Variants in LMF1 observed in about 807,000 individuals in gnomAD.
The protein encoded by LMF1 is lipase maturation factor 1.
LMF1 carries 68 observed loss-of-function variants against 60.6 expected under a neutral mutation model. The ratio of observed to expected loss-of-function variants is 1.12; its 90% CI spans 0.92 to 1.37. LMF1 has a LOEUF of 1.37. LMF1 is among the 40% of genes most tolerant of loss of function. The pLI is 0.00. For synonymous variants in LMF1, 418 were observed against 324.7 expected (o/e 1.29, Z -3.09); for missense variants, 948 against 767.2 (o/e 1.24, Z -2.78).
rs371796784 is a variant in LMF1 at position 970,900 on chromosome 16, A to G, written c.81T>C (p.Pro27=). ...RRKTGYSDPE[P]ESPPAPGRGP... is the part of the protein sequence containing the mutation. Reference sequence around the variant, plus strand: ...CACGCCCCGGCGCGGGCGGCGACTCAGGCTCCGGATCCGAGTACCCAGTCT... The same window carrying G: ...CACGCCCCGGCGCGGGCGGCGACTCGGGCTCCGGATCCGAGTACCCAGTCT... Residue 27 remains proline (P), a synonymous_variant, in exon 1 of 11, where the codon CCT becomes CCC. Transcript: ENST00000262301. The G allele has an allele frequency of 2.4e-4, 376 of 1,580,082 alleles. 1 individual carries two copies. The African/African-American group carries it at 4.6e-3, about 19-fold the overall frequency.
intron 10 of LMF1, among the ~76,000 whole-genome samples, chr16:866,102 G>T (rs2069601960): frequency 6.6e-6 from 1 of 152,108 alleles, no homozygotes; most frequent in Admixed American, 6.5e-5. Context: ...CCTCATCTTG[G>T]TGCTATCATC....
Position 874,290 on chromosome 16 carries a change from G to A in LMF1, c.898-2949C>T, listed in dbSNP as rs904757480. ...TGTGTGCGGGGCTGGCAGGGCCTCC[G>A]GGCCTCTGTCTTGAGCGGGCGTGGG... On this transcript the variant is annotated intron_variant, in intron 6 of 10. Coordinates refer to ENST00000262301, the MANE Select transcript of LMF1 (RefSeq NM_022773.4). This position sits in a 1 kb window ranked among gnomAD's most constrained non-coding sequence, Gnocchi z 4.1. 3.9e-5 allele frequency among the ~76,000 whole-genome samples: 6 copies of A among 152,126 alleles called. No homozygotes were observed. The highest frequency in any genetic ancestry group is 1.4e-4 in the African/African-American group (6 of 41,432).
At chr16:954,841 G>A (rs192177494) in intron 1 of LMF1, among the ~76,000 whole-genome samples, 175 bp from the exon 2 acceptor site, 1 of 152,238 alleles carries the variant, frequency 6.6e-6, no homozygotes, top group Admixed American at 6.5e-5. Context: ...GATTTTGGGG[G>A]AAACACTGGA....
chr16:862,800 G>A (rs1282000976), intron 10 of LMF1, among the ~76,000 whole-genome samples: 1 of 152,312 alleles, frequency 6.6e-6, no homozygotes, highest in South Asian at 2.1e-4. Flanking sequence ...CGAGGCTACA[G>A]TGAGCCATGT....
intron 3 of LMF1, among the ~76,000 whole-genome samples, chr16:911,551 G>A (rs2071114783): frequency 2.3e-5 from 2 of 86,250 alleles, no homozygotes; most frequent in Middle Eastern, 6.8e-3. Context: ...CAGCACTGGG[G>A]GGGCAGCACT....
intron 10 of LMF1, chr16:855,119 G>A (rs2069150948): frequency 3.3e-6 from 1 of 298,954 alleles, no homozygotes; most frequent in Non-Finnish European, 6.5e-6. Context: ...CTCATGGTGT[G>A]GCGTCTCCAC....
Position 879,756 on chromosome 16 carries a change from C to T in LMF1, c.730-19G>A, listed in dbSNP as rs1023395890. On this transcript the variant is annotated intron_variant, in intron 5 of 10. Transcript: ENST00000262301. ...GCTGGGTCTGCAGGGACAGGAGGGG[C>T]CGTGAGGTGCCTGGCCGATCTCGGG... is the stretch of plus-strand genomic sequence containing the variant. The T allele has an allele frequency of 6.4e-7, 1 of 1,561,354 alleles. No individual in the cohort carries two copies. The highest frequency in any genetic ancestry group is 8.7e-7 in the Non-Finnish European group (1 of 1,152,038).
At chr16:941,392 G>A (rs1418189212) in intron 2 of LMF1, among the ~76,000 whole-genome samples, 1 of 152,050 alleles carries the variant, frequency 6.6e-6, no homozygotes, top group Non-Finnish European at 1.5e-5. Flanking sequence ...GGTAATTTTT[G>A]TATTTTTAGT....
At chr16:926,625 AAAG>A (rs1240139624) in intron 3 of LMF1, among the ~76,000 whole-genome samples, 3 of 152,236 alleles carry the variant, frequency 2.0e-5, no homozygotes, top group Admixed American at 1.3e-4. Context: ...AAGCGCCACC[AAAG>A]AAGACTACCC....
rs907320522 is a variant in LMF1 at position 939,675 on chromosome 16, T to A, written c.504-5421A>T. 5.3e-5 allele frequency among the ~76,000 whole-genome samples: 8 copies of A among 152,374 alleles called. No individual in the cohort carries two copies. In the South Asian group the frequency reaches 8.3e-4, roughly 16 times the overall value. On this transcript the variant is annotated intron_variant, in intron 2 of 10. Coordinates refer to ENST00000262301, the MANE Select transcript of LMF1 (RefSeq NM_022773.4). Reference sequence around the variant, plus strand: ...AGGAGCAGTACATGCTGACCAAAGCTGCTGTAAGACAACGTCGGCGAGATG... The same window carrying A: ...AGGAGCAGTACATGCTGACCAAAGCAGCTGTAAGACAACGTCGGCGAGATG...
At chr16:928,190 A>G (rs951342324) in intron 3 of LMF1, among the ~76,000 whole-genome samples, 3 of 152,182 alleles carry the variant, frequency 2.0e-5, no homozygotes, top group African/African-American at 7.2e-5. Context: ...CGCACCCGCT[A>G]CGTGGATGGG....
At chr16:953,200 T>A (rs796869180) in intron 2 of LMF1, among the ~76,000 whole-genome samples, 7 of 37,178 alleles carry the variant, frequency 1.9e-4, no homozygotes, top group South Asian at 1.4e-3. Flanking sequence ...GCCTCCTACA[T>A]GTCCACACAG....
intron 1 of LMF1, among the ~76,000 whole-genome samples, chr16:968,195 GCA>G (rs1191636972): frequency 3.9e-5 from 6 of 152,346 alleles, no homozygotes; most frequent in Admixed American, 1.3e-4. Context: ...CAGGTTGAAT[GCA>G]GAGGCCTGTC....
chr16:963,930 G>C (rs1218289080), intron 1 of LMF1: 1 of 404,070 alleles, frequency 2.5e-6, no homozygotes, highest in Non-Finnish European at 5.1e-6. Flanking sequence ...AACATCACAG[G>C]CTCTCAAAAC....
chr16:971,643 C>A (rs1164713181), upstream of LMF1, among the ~76,000 whole-genome samples: 2 of 152,182 alleles, frequency 1.3e-5, no homozygotes, highest in East Asian at 3.8e-4. Context: ...GGCTAACTGC[C>A]CAATGCCCCA....
chr16:859,138 C>A (rs574265852), intron 10 of LMF1, among the ~76,000 whole-genome samples: 1 of 125,320 alleles, frequency 8.0e-6, no homozygotes, highest in Non-Finnish European at 1.6e-5. Context: ...GCACTGATGT[C>A]ACGGGACGGG....
intron 10 of LMF1, among the ~76,000 whole-genome samples, chr16:858,822 G>GC (rs1161105815): frequency 1.1e-4 from 9 of 80,364 alleles, no homozygotes; most frequent in African/African-American, 2.1e-4. Flanking sequence ...GGACGGGTGT[G>GC]AGTGGTGTCA....
At chr16:873,119 C>T (rs564438607) in intron 6 of LMF1, 5 of 152,438 alleles carry the variant, frequency 3.3e-5, no homozygotes, top group South Asian at 2.1e-4. Flanking sequence ...AGCTGCGCCC[C>T]GTTCAGCTGC....
In LMF1 at chr16:966,517, A is replaced by G. The variant is rs565292164; in HGVS notation, c.193+4271T>C. 3.3e-5 allele frequency among the ~76,000 whole-genome samples: 5 copies of G among 152,354 alleles called. No homozygotes were observed. The East Asian group carries it at 9.6e-4, about 29-fold the overall frequency. Reference sequence around the variant, plus strand: ...CAAATGCCAACGTTACCCAGTCTTCATGTCACATTTCACCTACAGATCCCT... The same window carrying G: ...CAAATGCCAACGTTACCCAGTCTTCGTGTCACATTTCACCTACAGATCCCT... On this transcript the variant is annotated intron_variant, in intron 1 of 10. Transcript: ENST00000262301.
Sources: gnomAD v4.1 joint callset for allele counts (sites outside exome capture counted in the v4.1 genomes callset) on GRCh38, gnomAD v4.1.1 for gene constraint, Gnocchi (gnomAD v3.1) non-coding constraint, MANE v1.5 for transcripts, NCBI Gene and HGNC (gene_info 2026-07-23, HGNC 2026-07-21) for gene names.